DLG2: variants seen among roughly 807,000 people sequenced by gnomAD.
DLG2 encodes the protein discs large MAGUK scaffold protein 2.
In DLG2, 45 loss-of-function variants were observed where a neutral mutation model predicts 132.5. The ratio of observed to expected loss-of-function variants is 0.34; its 90% CI spans 0.27 to 0.44. The LOEUF is 0.44. DLG2 is among the 20% of genes least tolerant of loss of function. The pLI is 1.00. For synonymous variants in DLG2, 424 were observed against 419.6 expected (o/e 1.01, Z -0.13); for missense variants, 1,045 against 1,196.9 (o/e 0.87, Z 1.87).
chr11:83,552,555 G>C (rs928545821), intron 19 of DLG2, among the ~76,000 whole-genome samples: 1 of 152,164 alleles, frequency 6.6e-6, no homozygotes, highest in African/African-American at 2.4e-5. Context: ...TAGCAGAGGG[G>C]TGGTAGCACA....
At chr11:85,044,912 A>G (rs1383521671) in intron 6 of DLG2, among the ~76,000 whole-genome samples, 2 of 152,050 alleles carry the variant, frequency 1.3e-5, no homozygotes, top group Admixed American at 6.6e-5. Flanking sequence ...GAAATAAGTT[A>G]TCTCCACCTG....
In DLG2 at chr11:84,080,467, T is replaced by A. The variant is rs1042514248; in HGVS notation, c.749+18456A>T. Among the ~76,000 whole-genome samples the A allele has an allele frequency of 2.6e-5, 4 of 152,132 alleles. 1 individual carries two copies. The highest frequency in any genetic ancestry group is 1.5e-5 in the Non-Finnish European group (1 of 68,020). ...AAGTGAGAATGCAGAGGTGATGAGT[T>A]TATGGCACATAAAGCATACTCTCAC... On this transcript the variant is annotated intron_variant, in intron 10 of 27. Coordinates refer to ENST00000376104, the MANE Select transcript of DLG2 (RefSeq NM_001142699.3).
At chr11:85,485,187 C>T (rs1021423554) in intron 3 of DLG2, among the ~76,000 whole-genome samples, 1 of 151,604 alleles carries the variant, frequency 6.6e-6, no homozygotes, top group Non-Finnish European at 1.5e-5. Context: ...GAATGTCACA[C>T]TCTGGGGACT....
At chr11:84,058,803 A>G (rs995507461) in intron 11 of DLG2, among the ~76,000 whole-genome samples, 1 of 151,918 alleles carries the variant, frequency 6.6e-6, no homozygotes, top group East Asian at 1.9e-4. Flanking sequence ...GAACATTTCA[A>G]GAACATAAAT....
At chr11:85,537,073 G>T (rs150893333) in intron 3 of DLG2, among the ~76,000 whole-genome samples, 1 of 152,128 alleles carries the variant, frequency 6.6e-6, no homozygotes, top group Non-Finnish European at 1.5e-5. Context: ...CTAGCTAATT[G>T]GGTGGGGACT....
At chr11:84,785,641 T>C (rs1032887430) in intron 6 of DLG2, among the ~76,000 whole-genome samples, 3 of 152,142 alleles carry the variant, frequency 2.0e-5, no homozygotes, top group Admixed American at 6.5e-5. Context: ...ATTCTTCCTA[T>C]TGATTCGTTT....
intron 6 of DLG2, among the ~76,000 whole-genome samples, chr11:84,870,672 T>G (rs1943723): frequency 1.3e-5 from 2 of 152,022 alleles, no homozygotes; most frequent in African/African-American, 4.8e-5. Flanking sequence ...TATTCATCAC[T>G]GTGTACATAA....
At chr11:85,369,517 T>A (rs2084814153) in intron 3 of DLG2, among the ~76,000 whole-genome samples, 1 of 152,138 alleles carries the variant, frequency 6.6e-6, no homozygotes, top group Non-Finnish European at 1.5e-5. Flanking sequence ...GCAACCCAAC[T>A]ATCACTGTTT....
At chr11:84,328,208 A>G (rs1004510563) in intron 7 of DLG2, among the ~76,000 whole-genome samples, 2 of 151,844 alleles carry the variant, frequency 1.3e-5, no homozygotes, top group Non-Finnish European at 2.9e-5. Context: ...AAATAACATT[A>G]TGGTAATGAG....
intron 7 of DLG2, among the ~76,000 whole-genome samples, chr11:84,260,292 C>A (rs1168323981): frequency 6.6e-6 from 1 of 151,998 alleles, no homozygotes; most frequent in African/African-American, 2.4e-5. Context: ...ATTTTCTTCA[C>A]TTTATAAGTT....
chr11:84,396,079 G>C (rs35225355), intron 7 of DLG2, among the ~76,000 whole-genome samples: 8,527 of 152,258 alleles, frequency 0.056, 326 homozygotes, highest in African/African-American at 0.098. Flanking sequence ...GGAGTTTTGA[G>C]TGTTCTTTTA....
intron 17 of DLG2, among the ~76,000 whole-genome samples, chr11:83,804,617 CTT>C (rs1195771384): frequency 5.4e-5 from 8 of 147,432 alleles, no homozygotes; most frequent in South Asian, 2.2e-4. Flanking sequence ...CAGACACACA[CTT>C]TTTCTGAACC....
Position 85,096,483 on chromosome 11 carries a change from C to T in DLG2, c.357+15178G>A, listed in dbSNP as rs553909216. Among the ~76,000 whole-genome samples the T allele has an allele frequency of 2.0e-5, 3 of 151,836 alleles. No homozygotes were observed. In the East Asian group the frequency reaches 5.8e-4, roughly 30 times the overall value. ...GCTTCATTCCTGAAGTCACCGAGAC[C>T]ACAAACCCACCAGAAGGAAGAAACT... On this transcript the variant is annotated intron_variant, in intron 6 of 27. Coordinates refer to ENST00000376104, the MANE Select transcript of DLG2 (RefSeq NM_001142699.3).
chr11:84,633,469 A>C (rs534725037), intron 6 of DLG2, among the ~76,000 whole-genome samples: 4 of 152,184 alleles, frequency 2.6e-5, no homozygotes, highest in Admixed American at 2.6e-4. Context: ...TTCATTGAGA[A>C]TCAACTCGTG....
intron 14 of DLG2, among the ~76,000 whole-genome samples, chr11:83,951,036 CAAAAT>C (rs2085292223): frequency 6.6e-6 from 1 of 151,046 alleles, no homozygotes; most frequent in Non-Finnish European, 1.5e-5. Flanking sequence ...GAGAGATTAA[CAAAAT>C]AAATGAAAAG....
At chr11:85,464,724 C>T (rs938473639) in intron 3 of DLG2, among the ~76,000 whole-genome samples, 2 of 151,844 alleles carry the variant, frequency 1.3e-5, no homozygotes, top group South Asian at 2.1e-4. Context: ...AATGTTGTGG[C>T]CTTTCATTAG....
chr11:84,532,116 C>CTT (rs1565211965), intron 7 of DLG2, among the ~76,000 whole-genome samples: 24 of 69,922 alleles, frequency 3.4e-4, no homozygotes, highest in South Asian at 2.1e-3. Flanking sequence ...TTGTTCTGTT[C>CTT]ATTTTTTTTT....
intron 7 of DLG2, among the ~76,000 whole-genome samples, chr11:84,469,636 T>G (rs1230841629): frequency 6.6e-6 from 1 of 151,656 alleles, no homozygotes; most frequent in Admixed American, 6.6e-5. Context: ...TGTAGCAAAA[T>G]GATTTTCTAA....
At chr11:85,378,459 T>C (rs1596666934) in intron 3 of DLG2, among the ~76,000 whole-genome samples, 2 of 152,246 alleles carry the variant, frequency 1.3e-5, no homozygotes, top group Middle Eastern at 3.4e-3. Flanking sequence ...ATGAAAATGA[T>C]TATACCTATT....
Sources: allele counts gnomAD v4.1 joint callset (sites outside exome capture counted in the v4.1 genomes callset), GRCh38; gene constraint gnomAD v4.1.1; transcripts MANE v1.5; gene names NCBI Gene and HGNC (gene_info 2026-07-23, HGNC 2026-07-21).